NSD1: variants seen among roughly 807,000 people sequenced by gnomAD.
NSD1 encodes the protein histone-lysine N-methyltransferase, H3 lysine-36 specific.
A neutral mutation model predicts 242.7 loss-of-function variants in NSD1; 26 were observed. That is an observed-to-expected ratio of 0.11 (90% CI 0.08 to 0.15). NSD1 has a LOEUF of 0.15. NSD1 is among the 10% of genes least tolerant of loss of function. NSD1 has a pLI of 1.00. For missense variants in NSD1, 2,495 were observed against 3,272.8 expected (o/e 0.76, Z 5.80); for synonymous variants, 1,106 against 1,178.1 (o/e 0.94, Z 1.25).
chr5:177,169,867 A>T (rs146659022), intron 2 of NSD1, among the ~76,000 whole-genome samples: 1 of 152,072 alleles, frequency 6.6e-6, no homozygotes, highest in African/African-American at 2.4e-5. Context: ...TACCAACCTA[A>T]TAGTTTGCTT....
At chr5:177,142,965 A>G (rs1283611057) in intron 2 of NSD1, among the ~76,000 whole-genome samples, 2 of 151,596 alleles carry the variant, frequency 1.3e-5, no homozygotes, top group African/African-American at 4.9e-5. Flanking sequence ...CTTGCTCCAT[A>G]CTCTCCCCTT....
intron 3 of NSD1, among the ~76,000 whole-genome samples, chr5:177,200,103 T>C (rs963879598): frequency 6.6e-6 from 1 of 150,706 alleles, no homozygotes; most frequent in East Asian, 1.9e-4. Flanking sequence ...GTTTTTTTTT[T>C]GTTTTGTTTT....
rs1562245010 is a variant in NSD1, at chr5:177,238,451, C to T, written c.4136C>T (p.Pro1379Leu). ...CTGACCTTGTCTGTGCCTGTGGCTCCGGAAGTCTCTCCACGGCCTGCCCTT... is the reference window on the plus strand; with the variant it reads ...CTGACCTTGTCTGTGCCTGTGGCTCTGGAAGTCTCTCCACGGCCTGCCCTT... ...PQLTLSVPVA[P>L]EVSPRPALES... The change falls in exon 7 of 23, where the codon CCG (proline) becomes CTG (leucine). Residue 1379 changes from proline to leucine, a missense_variant. Pro to Leu is a moderately conservative substitution (Grantham distance 98, BLOSUM62 -3). This residue lies in a region of NSD1 where 100 missense variants were observed against 190.7 expected (regional missense o/e 0.52). Coordinates refer to ENST00000439151, the MANE Select transcript of NSD1 (RefSeq NM_022455.5). The surrounding 1 kb of genome is among the most constrained non-coding windows in gnomAD (Gnocchi z 4.6). 6.2e-7 allele frequency: 1 copy of T among 1,614,010 alleles called. No individual in the cohort carries two copies. Among genetic ancestry groups the T allele is most frequent in the Non-Finnish European group, 8.5e-7 (1 of 1,180,010 alleles).
intron 18 of NSD1, 115 bp downstream of exon 18, chr5:177,280,949 CTTA>C: frequency 8.5e-7 from 1 of 1,180,206 alleles, no homozygotes; most frequent in South Asian, 1.4e-5. Flanking sequence ...AATAATTAAC[CTTA>C]TTGTTGTGTC....
At position 177,224,970 on chromosome 5, in the gene NSD1, T is replaced by A. The variant is rs574082464; in HGVS notation, c.3797-10851T>A. Among the ~76,000 whole-genome samples the A allele has an allele frequency of 7.9e-5, 12 of 152,226 alleles. No individual in the cohort carries two copies. In the South Asian group the frequency reaches 2.5e-3, roughly 32 times the overall value. On this transcript the variant is annotated intron_variant, in intron 5 of 22. Coordinates refer to ENST00000439151, the MANE Select transcript of NSD1 (RefSeq NM_022455.5). Reference sequence around the variant, plus strand: ...GTATTATATTGATTGATTTTTGTAATTTGAACCAACTTTGAAGTCCTGGGG... The same window carrying A: ...GTATTATATTGATTGATTTTTGTAAATTGAACCAACTTTGAAGTCCTGGGG...
In NSD1 at chr5:177,257,836, T is replaced by A. The variant is rs796434877; in HGVS notation, c.4966+685T>A. 3.1e-4 allele frequency among the ~76,000 whole-genome samples: 43 copies of A among 136,804 alleles called. 1 individual carries two copies. The highest frequency in any genetic ancestry group is 1.1e-3 in the African/African-American group (40 of 37,146). 89.7% of individuals were successfully genotyped at this position (136,804 alleles called of 152,430 possible). Reference sequence around the variant, plus strand: ...GCTTTTTTTTTATTTTATTTTATTTTATTTTATTTTTTTTTGAGACGGAGT... The same window carrying A: ...GCTTTTTTTTTATTTTATTTTATTTAATTTTATTTTTTTTTGAGACGGAGT... On this transcript the variant is annotated intron_variant, in intron 13 of 22. Coordinates refer to ENST00000439151, the MANE Select transcript of NSD1 (RefSeq NM_022455.5).
intron 3 of NSD1, among the ~76,000 whole-genome samples, chr5:177,194,649 A>T (rs1393747816): frequency 3.0e-4 from 19 of 63,436 alleles, no homozygotes; most frequent in Middle Eastern, 0.012. Context: ...TTGATTTTAT[A>T]TTTTGAATAA....
At chr5:177,233,086 C>CT (rs1243264849) in intron 5 of NSD1, among the ~76,000 whole-genome samples, 1 of 152,062 alleles carries the variant, frequency 6.6e-6, no homozygotes, top group Non-Finnish European at 1.5e-5. Context: ...CTTTTCTTTT[C>CT]TTTTTTTGGA....
At chr5:177,256,857 C>CCATTATAAA in intron 12 of NSD1, 94 bp from the exon 13 acceptor site, 1 of 1,002,076 alleles carries the variant, frequency 1.0e-6, no homozygotes, top group South Asian at 1.3e-5. Context: ...ACCGATCAGT[C>CCATTATAAA]CATTATAAAA....
chr5:177,192,130 T>TTGGTGTTAC (rs1761738588), intron 3 of NSD1, 111 bp downstream of exon 3: 1 of 945,432 alleles, frequency 1.1e-6, no homozygotes, highest in Non-Finnish European at 1.6e-6. Context: ...TGTGAATGAA[T>TTGGTGTTAC]TGGTGTTACA....
In NSD1 at chr5:177,295,912, A is replaced by C; in HGVS notation, c.*453A>C. The C allele has an allele frequency of 2.8e-6, 1 of 363,604 alleles. No individual in the cohort carries two copies. The highest frequency in any genetic ancestry group is 5.1e-6 in the Non-Finnish European group (1 of 194,738). 22.5% of individuals were successfully genotyped at this position (363,604 alleles called of 1,614,324 possible). ...ATCAGTGGCGATTTCCTGAGCATTCACGTGTTCTAGGCCGGGTGCTAGTCA... is the reference window on the plus strand; with the variant it reads ...ATCAGTGGCGATTTCCTGAGCATTCCCGTGTTCTAGGCCGGGTGCTAGTCA... On this transcript the variant is annotated 3_prime_UTR_variant, in exon 23 of 23. Coordinates refer to ENST00000439151, the MANE Select transcript of NSD1 (RefSeq NM_022455.5). This position sits in a 1 kb window ranked among gnomAD's most constrained non-coding sequence, Gnocchi z 4.3.
intron 5 of NSD1, among the ~76,000 whole-genome samples, chr5:177,218,524 A>G (rs9313753): frequency 0.092 from 13,627 of 148,928 alleles, 2,016 homozygotes; most frequent in African/African-American, 0.31. Context: ...TTTTTGAACC[A>G]TCGTTGCATT....
At chr5:177,181,456 C>T (rs763570773) in intron 2 of NSD1, among the ~76,000 whole-genome samples, 8 of 102,748 alleles carry the variant, frequency 7.8e-5, no homozygotes, top group South Asian at 3.3e-4. Flanking sequence ...GGCAGGTTCT[C>T]ACCTTGTCAC....
At chr5:177,145,410 T>G (rs1410864779) in intron 2 of NSD1, among the ~76,000 whole-genome samples, 1 of 151,954 alleles carries the variant, frequency 6.6e-6, no homozygotes, top group African/African-American at 2.4e-5. Flanking sequence ...TCATGAGTAG[T>G]TGGGACTACA....
At chr5:177,186,667 T>C (rs1425116511) in intron 2 of NSD1, among the ~76,000 whole-genome samples, 1 of 152,172 alleles carries the variant, frequency 6.6e-6, no homozygotes, top group Non-Finnish European at 1.5e-5. Flanking sequence ...GTTAGTTTAA[T>C]ATAAAGTGAT....
Position 177,183,917 on chromosome 5 carries a change from A to G in NSD1, c.928-7967A>G, listed in dbSNP as rs144999473. On this transcript the variant is annotated intron_variant, in intron 2 of 22. Transcript: ENST00000439151. ...GGTCTTTCTGTGCCTGACTTATTTCATCTAACATAATGATCTCCAGTTCCA... is the reference window on the plus strand; with the variant it reads ...GGTCTTTCTGTGCCTGACTTATTTCGTCTAACATAATGATCTCCAGTTCCA... Among the ~76,000 whole-genome samples, 363 of 152,290 alleles carry G rather than the reference A, an allele frequency of 2.4e-3. 2 individuals are homozygous for G. Among genetic ancestry groups the G allele is most frequent in the African/African-American group, 8.6e-3 (356 of 41,566 alleles).
chr5:177,251,189 C>CAA (rs762450107), intron 11 of NSD1, among the ~76,000 whole-genome samples: 141 of 136,842 alleles, frequency 1.0e-3, no homozygotes, highest in South Asian at 2.8e-3. Flanking sequence ...GACTTCCTCT[C>CAA]AAAAAAAAAA....
At chr5:177,239,409 C>T (rs1278474802) in intron 7 of NSD1, among the ~76,000 whole-genome samples, 3 of 152,150 alleles carry the variant, frequency 2.0e-5, no homozygotes, top group Non-Finnish European at 2.9e-5. Flanking sequence ...CCATTTATGA[C>T]CATGATCCAA....
intron 17 of NSD1, among the ~76,000 whole-genome samples, chr5:177,275,396 T>G (rs1490341534): frequency 6.6e-6 from 1 of 151,084 alleles, no homozygotes; most frequent in African/African-American, 2.4e-5. Flanking sequence ...TTTCAGTATT[T>G]CATCGTGCTT....
Sources: allele counts gnomAD v4.1 joint callset (sites outside exome capture counted in the v4.1 genomes callset), GRCh38; gene constraint gnomAD v4.1.1; regional missense constraint gnomAD v4.1.1; non-coding constraint Gnocchi (gnomAD v3.1); transcripts MANE v1.5; gene names NCBI Gene and HGNC (gene_info 2026-07-23, HGNC 2026-07-21).